Variants in CRIM1 observed in about 807,000 individuals in gnomAD.
CRIM1 encodes the protein cysteine-rich motor neuron 1 protein.
CRIM1 carries 32 observed loss-of-function variants against 116.4 expected under a neutral mutation model. The observed-to-expected ratio is 0.27, with a 90% CI of 0.21 to 0.37. The LOEUF (loss-of-function observed/expected upper bound fraction) is 0.37. Ranked by LOEUF, CRIM1 falls within the 10% of genes least tolerant of loss-of-function variation. CRIM1 has a pLI of 1.00. For missense variants in CRIM1, 1,331 were observed against 1,354.8 expected (o/e 0.98, Z 0.28); for synonymous variants, 590 against 509.2 (o/e 1.16, Z -2.13).
At chr2:36,464,715 G>A (rs1677863164) in intron 5 of CRIM1, 60 bp downstream of exon 5, 2 of 1,586,584 alleles carry the variant, frequency 1.3e-6, no homozygotes, top group Admixed American at 1.7e-5. Context: ...GGAGGAGGGA[G>A]GGTTCAACTT....
At chr2:36,370,658 G>A (rs572521676) in intron 1 of CRIM1, among the ~76,000 whole-genome samples, 2 of 152,312 alleles carry the variant, frequency 1.3e-5, no homozygotes, top group East Asian at 3.9e-4. Flanking sequence ...GTAAGTGAAT[G>A]CCCTTGAGTC....
intron 8 of CRIM1, among the ~76,000 whole-genome samples, chr2:36,501,860 T>G (rs888539600): frequency 6.6e-6 from 1 of 152,230 alleles, no homozygotes; most frequent in Admixed American, 6.5e-5. Context: ...TCAGTCCCTG[T>G]TGCCTTTTAT....
At chr2:36,502,384 C>T (rs1441959992) in intron 8 of CRIM1, among the ~76,000 whole-genome samples, 2 of 152,210 alleles carry the variant, frequency 1.3e-5, no homozygotes, top group Non-Finnish European at 2.9e-5. Flanking sequence ...AAAGGATCAT[C>T]AGCATGTGCT....
At chr2:36,459,265 G>A (rs1016815445) in intron 4 of CRIM1, among the ~76,000 whole-genome samples, 1 of 152,186 alleles carries the variant, frequency 6.6e-6, no homozygotes, top group African/African-American at 2.4e-5. Context: ...AACAATGTTT[G>A]AGTGGGTACC....
At chr2:36,541,336 T>G (rs1396201098) in intron 14 of CRIM1, among the ~76,000 whole-genome samples, 1 of 152,244 alleles carries the variant, frequency 6.6e-6, no homozygotes, top group Non-Finnish European at 1.5e-5. Context: ...ACATTCTGAA[T>G]ATCCTCTTTC....
intron 4 of CRIM1, among the ~76,000 whole-genome samples, chr2:36,456,967 T>C (rs1315993837): frequency 6.6e-6 from 1 of 152,066 alleles, no homozygotes; most frequent in Non-Finnish European, 1.5e-5. Context: ...CACGTAGACT[T>C]ACAACTTCTG....
At chr2:36,414,735 T>C (rs1411620041) in intron 2 of CRIM1, among the ~76,000 whole-genome samples, 1 of 151,938 alleles carries the variant, frequency 6.6e-6, no homozygotes, top group Non-Finnish European at 1.5e-5. Flanking sequence ...GGAGAAAGAG[T>C]TTTGTGTCCC....
chr2:36,546,869 C>T (rs759337456), intron 15 of CRIM1, 115 bp from the exon 16 acceptor site: 83 of 487,070 alleles, frequency 1.7e-4, no homozygotes, highest in Admixed American at 2.8e-4. Flanking sequence ...TTTTTAGCCT[C>T]AAAAAACTGG....
At chr2:36,437,247 C>T (rs1675388422) in intron 2 of CRIM1, among the ~76,000 whole-genome samples, 2 of 151,966 alleles carry the variant, frequency 1.3e-5, no homozygotes, top group Non-Finnish European at 2.9e-5. Context: ...AGGTGGTGGG[C>T]GCCTGTAGTC....
chr2:36,466,512 C>T (rs1678038467), intron 5 of CRIM1, among the ~76,000 whole-genome samples: 1 of 152,216 alleles, frequency 6.6e-6, no homozygotes, highest in Non-Finnish European at 1.5e-5. Context: ...GAAATAGTCA[C>T]TGCTTCCCTG....
At chr2:36,446,249 A>T (rs1676234859) in intron 4 of CRIM1, among the ~76,000 whole-genome samples, 1 of 152,020 alleles carries the variant, frequency 6.6e-6, no homozygotes, top group Non-Finnish European at 1.5e-5. Flanking sequence ...CTTCCCTATG[A>T]GACTATTTCA....
At chr2:36,478,980 C>T (rs1476339358) in intron 6 of CRIM1, among the ~76,000 whole-genome samples, 1 of 152,132 alleles carries the variant, frequency 6.6e-6, no homozygotes. Context: ...TCTAGACTAG[C>T]CTTGTCATGA....
intron 13 of CRIM1, among the ~76,000 whole-genome samples, chr2:36,527,772 C>G (rs1217898640): frequency 2.0e-5 from 3 of 152,106 alleles, no homozygotes; most frequent in Non-Finnish European, 4.4e-5. Flanking sequence ...GCTATACAAC[C>G]CATGAAACTT....
intron 1 of CRIM1, among the ~76,000 whole-genome samples, chr2:36,372,297 C>G (rs1669996810): frequency 6.6e-6 from 1 of 152,170 alleles, no homozygotes; most frequent in African/African-American, 2.4e-5. Context: ...AACCCTATGA[C>G]TTCAGAGACA....
intron 8 of CRIM1, among the ~76,000 whole-genome samples, chr2:36,504,125 C>T (rs747070278): frequency 2.0e-5 from 3 of 152,080 alleles, no homozygotes; most frequent in South Asian, 2.1e-4. Context: ...CTGCCCGACT[C>T]GATCTCCTAA....
chr2:36,513,834 T>C (rs1664859315), intron 11 of CRIM1, 69 bp downstream of exon 11: 1 of 1,406,140 alleles, frequency 7.1e-7, no homozygotes, highest in East Asian at 2.4e-5. Context: ...CCTAGACACA[T>C]TTGTAACTCT....
intron 2 of CRIM1, among the ~76,000 whole-genome samples, chr2:36,418,314 T>C (rs1369126542): frequency 6.6e-6 from 1 of 152,152 alleles, no homozygotes; most frequent in Non-Finnish European, 1.5e-5. Context: ...CTTTTTATTG[T>C]TTGCTTTTTG....
chr2:36,499,004 C>T (rs1457348310), intron 7 of CRIM1, among the ~76,000 whole-genome samples: 1 of 152,154 alleles, frequency 6.6e-6, no homozygotes, highest in Non-Finnish European at 1.5e-5. Context: ...ATTGCTCAAA[C>T]GCAAAGAAGC....
intron 2 of CRIM1, among the ~76,000 whole-genome samples, chr2:36,433,824 T>G (rs941631202): frequency 2.6e-5 from 4 of 152,184 alleles, no homozygotes; most frequent in African/African-American, 9.7e-5. Context: ...CTAGCTTTAT[T>G]AGGTAGTCAA....
Sources: gnomAD v4.1 joint callset for allele counts (sites outside exome capture counted in the v4.1 genomes callset) on GRCh38, gnomAD v4.1.1 for gene constraint, MANE v1.5 for transcripts, NCBI Gene and HGNC (gene_info 2026-07-23, HGNC 2026-07-21) for gene names.